The following NAALADL2 variants were observed in gnomAD, a reference collection of about 807,000 sequenced individuals.
The protein encoded by NAALADL2 is N-acetylated alpha-linked acidic dipeptidase like 2.
NAALADL2 carries 76 observed loss-of-function variants against 87.2 expected under a neutral mutation model. That is an observed-to-expected ratio of 0.87 (90% CI 0.72 to 1.05). The LOEUF is 1.05. Ranked by LOEUF, NAALADL2 falls within the 50% of genes least tolerant of loss-of-function variation. The pLI, the probability that NAALADL2 is intolerant of heterozygous loss-of-function variation, is 0.00. For missense variants in NAALADL2, 1,089 were observed against 945.8 expected (o/e 1.15, Z -1.99); for synonymous variants, 354 against 331.0 (o/e 1.07, Z -0.75).
At chr3:175,055,518 G>A (rs1711956931) in intron 1 of NAALADL2, among the ~76,000 whole-genome samples, 1 of 152,188 alleles carries the variant, frequency 6.6e-6, no homozygotes, top group Non-Finnish European at 1.5e-5. Context: ...CTGTGGCAGG[G>A]GGCAGACATT....
chr3:174,735,769 C>T (rs1053872262), intron 2 of NAALADL2, among the ~76,000 whole-genome samples: 3 of 152,062 alleles, frequency 2.0e-5, no homozygotes, highest in Admixed American at 1.3e-4. Context: ...CCCACTGTTC[C>T]AGGATCCTCA....
chr3:174,513,721 A>G (rs1719751648), intron 1 of NAALADL2, among the ~76,000 whole-genome samples: 1 of 152,170 alleles, frequency 6.6e-6, no homozygotes, highest in Admixed American at 6.5e-5. Flanking sequence ...ATCTTCATTT[A>G]CAAAATCTAC....
chr3:174,935,976 A>T (rs772909310), intron 1 of NAALADL2, among the ~76,000 whole-genome samples: 1 of 152,144 alleles, frequency 6.6e-6, no homozygotes, highest in Admixed American at 6.5e-5. Flanking sequence ...ATGTCAGGAC[A>T]CTGATTATTC....
At chr3:175,417,795 T>C (rs1025540323) in intron 5 of NAALADL2, among the ~76,000 whole-genome samples, 11 of 152,304 alleles carry the variant, frequency 7.2e-5, no homozygotes, top group Middle Eastern at 3.4e-3. Flanking sequence ...CATTCTGATA[T>C]TTATCAATAA....
chr3:174,954,964 G>A (rs989589569), intron 1 of NAALADL2, among the ~76,000 whole-genome samples: 1 of 149,094 alleles, frequency 6.7e-6, no homozygotes, highest in Non-Finnish European at 1.5e-5. Context: ...TTCTACATCC[G>A]TTAACAACAA....
intron 2 of NAALADL2, among the ~76,000 whole-genome samples, chr3:175,223,053 A>G (rs185014896): frequency 6.6e-6 from 1 of 151,306 alleles, no homozygotes; most frequent in East Asian, 1.9e-4. Flanking sequence ...TAATTACCAC[A>G]ATCAAATTAA....
rs1219451986 is a variant in NAALADL2 at position 175,324,300 on chromosome 3, T to G, written c.1065T>G (p.Pro355=). ...TGTCACTGAATCCAGGAGGAGACCC[T>G]TCTACGCCTGGTTACCCAAGTGTCG... The part of the protein sequence containing the change: ...FMVSLNPGGD[P]STPGYPSVDE... The change falls in exon 5 of 14, where the codon CCT becomes CCG. Residue 355 remains proline (P), a synonymous_variant. Coordinates refer to ENST00000454872, the MANE Select transcript of NAALADL2 (RefSeq NM_207015.3). The G allele has an allele frequency of 1.9e-6, 3 of 1,612,390 alleles. No individual in the cohort carries two copies. Among genetic ancestry groups the G allele is most frequent in the Admixed American group, 3.3e-5 (2 of 59,744 alleles).
rs78367373 is a variant in NAALADL2, at chr3:175,566,840, G to A, written c.1654-9201G>A. ...TAAATAATTTGTAAATATTTTTCCA[G>A]GTTTTCATTCATGTTTGTTTATGGT... On this transcript the variant is annotated intron_variant, in intron 9 of 13. Coordinates refer to ENST00000454872, the MANE Select transcript of NAALADL2 (RefSeq NM_207015.3). 3.0e-3 allele frequency among the ~76,000 whole-genome samples: 460 copies of A among 151,934 alleles called. 4 individuals are homozygous for A. Among genetic ancestry groups the A allele is most frequent in the African/African-American group, 0.011 (436 of 41,442 alleles).
intron 5 of NAALADL2, among the ~76,000 whole-genome samples, chr3:175,390,948 C>T (rs1581696389): frequency 6.6e-6 from 1 of 152,278 alleles, no homozygotes; most frequent in African/African-American, 2.4e-5. Context: ...GAGTAGGCAA[C>T]ACCAGATAAT....
At chr3:174,643,618 C>T (rs977236916) in intron 2 of NAALADL2, among the ~76,000 whole-genome samples, 1 of 152,164 alleles carries the variant, frequency 6.6e-6, no homozygotes, top group Non-Finnish European at 1.5e-5. Flanking sequence ...TATGCCACTG[C>T]ACTCCAGCCT....
Position 174,880,225 on chromosome 3 carries a change from T to C in NAALADL2, c.43+20775T>C, listed in dbSNP as rs1032132074. Reference sequence around the variant, plus strand: ...ACTCAACGTATCTACCTGGGTATGATTAAACATCTCAAACTATGCTATACT... The same window carrying C: ...ACTCAACGTATCTACCTGGGTATGACTAAACATCTCAAACTATGCTATACT... On this transcript the variant is annotated intron_variant, in intron 1 of 13. Coordinates refer to ENST00000454872, the MANE Select transcript of NAALADL2 (RefSeq NM_207015.3). Among the ~76,000 whole-genome samples the C allele has an allele frequency of 7.2e-5, 11 of 152,054 alleles. No homozygotes were observed. In the South Asian group the frequency reaches 2.1e-3, roughly 29 times the overall value.
chr3:175,069,824 A>G (rs1204140865), intron 1 of NAALADL2, among the ~76,000 whole-genome samples: 57 of 149,718 alleles, frequency 3.8e-4, no homozygotes, highest in Non-Finnish European at 7.5e-4. Context: ...ATGGAATACT[A>G]TGCAGCCATA....
intron 11 of NAALADL2, among the ~76,000 whole-genome samples, chr3:175,630,557 A>G (rs950765328): frequency 6.6e-6 from 1 of 151,834 alleles, no homozygotes; most frequent in Non-Finnish European, 1.5e-5. Flanking sequence ...AAATATACAT[A>G]TATGGATAAT....
chr3:174,939,155 T>G (rs2108459024), intron 1 of NAALADL2, among the ~76,000 whole-genome samples: 1 of 152,254 alleles, frequency 6.6e-6, no homozygotes, highest in East Asian at 1.9e-4. Flanking sequence ...TACTTTTAAG[T>G]CTTTAATCCA....
intron 10 of NAALADL2, among the ~76,000 whole-genome samples, chr3:175,615,509 A>C (rs1191603521): frequency 6.6e-6 from 1 of 152,178 alleles, no homozygotes; most frequent in Non-Finnish European, 1.5e-5. Flanking sequence ...CAGATAATTT[A>C]AGCAACTTGC....
intron 5 of NAALADL2, among the ~76,000 whole-genome samples, chr3:175,372,865 G>A (rs1443578694): frequency 6.6e-6 from 1 of 152,168 alleles, no homozygotes; most frequent in African/African-American, 2.4e-5. Context: ...GTTACCTTGA[G>A]CATTCTTTTT....
At chr3:175,067,312 A>G (rs566749366) in intron 1 of NAALADL2, among the ~76,000 whole-genome samples, 2 of 152,284 alleles carry the variant, frequency 1.3e-5, no homozygotes, top group South Asian at 4.1e-4. Flanking sequence ...CAGGCAGCCT[A>G]CAGAATGGGA....
At chr3:175,058,516 C>T (rs1387459167) in intron 1 of NAALADL2, among the ~76,000 whole-genome samples, 1 of 152,138 alleles carries the variant, frequency 6.6e-6, no homozygotes, top group Non-Finnish European at 1.5e-5. Flanking sequence ...AACATACCTA[C>T]ATCCATGAGG....
At chr3:175,112,973 A>C (rs1208468594) in intron 2 of NAALADL2, among the ~76,000 whole-genome samples, 2 of 151,668 alleles carry the variant, frequency 1.3e-5, no homozygotes, top group African/African-American at 2.4e-5. Flanking sequence ...GAACAAAGAC[A>C]TGGAGGTAAG....
Sources: allele counts gnomAD v4.1 joint callset (sites outside exome capture counted in the v4.1 genomes callset), GRCh38; gene constraint gnomAD v4.1.1; transcripts MANE v1.5; gene names NCBI Gene and HGNC (gene_info 2026-07-23, HGNC 2026-07-21).